Variants in PXDNL observed in about 807,000 individuals in gnomAD.
The protein encoded by PXDNL is probable oxidoreductase PXDNL.
Under a neutral mutation model 150.8 loss-of-function variants are expected in PXDNL, and 145 were observed. That is an observed-to-expected ratio of 0.96 (90% CI 0.84 to 1.10). PXDNL has a LOEUF of 1.10. Among genes scored for constraint, PXDNL ranks in the 50% least tolerant of loss-of-function variants. The pLI is 0.00. For missense variants in PXDNL, 2,087 were observed against 1,873.9 expected, an observed-to-expected ratio of 1.11 and a Z score of -2.10; for synonymous variants, 757 against 725.7, an observed-to-expected ratio of 1.04 and a Z score of -0.69.
At chr8:51,694,297 A>C (rs998842213) in intron 1 of PXDNL, among the ~76,000 whole-genome samples, 3 of 152,134 alleles carry the variant, frequency 2.0e-5, no homozygotes, top group Admixed American at 6.5e-5. Flanking sequence ...CAGGAGGCGG[A>C]GGTTGCACTG....
At chr8:51,696,837 A>ACG in intron 1 of PXDNL, among the ~76,000 whole-genome samples, 1 of 139,148 alleles carries the variant, frequency 7.2e-6, no homozygotes, top group East Asian at 2.2e-4. Flanking sequence ...ACACACACAC[A>ACG]CAGGTCCTGA....
intron 1 of PXDNL, among the ~76,000 whole-genome samples, chr8:51,750,849 G>A (rs2037039274): frequency 6.6e-6 from 1 of 152,178 alleles, no homozygotes; most frequent in African/African-American, 2.4e-5. Flanking sequence ...GCGGTTTCGG[G>A]CATCCACTGG....
chr8:51,658,648 T>C (rs978378539), intron 1 of PXDNL, among the ~76,000 whole-genome samples: 5 of 152,182 alleles, frequency 3.3e-5, no homozygotes, highest in Admixed American at 1.3e-4. Context: ...AGTATATTTC[T>C]GAAAATTAGA....
chr8:51,323,808 C>T (rs112678944), intron 21 of PXDNL, among the ~76,000 whole-genome samples: 50,761 of 151,056 alleles, frequency 0.34, 10,164 homozygotes, highest in African/African-American at 0.56. Flanking sequence ...CCCAGCTACT[C>T]GGGAGGCTGA....
intron 1 of PXDNL, among the ~76,000 whole-genome samples, chr8:51,794,304 A>G (rs1312815123): frequency 6.6e-6 from 1 of 152,150 alleles, no homozygotes; most frequent in Non-Finnish European, 1.5e-5. Flanking sequence ...AAATTCAGGA[A>G]ATCCAGAGAA....
chr8:51,386,668 T>G (rs940713505), intron 17 of PXDNL, among the ~76,000 whole-genome samples: 1 of 151,852 alleles, frequency 6.6e-6, no homozygotes, highest in Non-Finnish European at 1.5e-5. Flanking sequence ...AATACAAAAA[T>G]TAGCCAAGCA....
intron 2 of PXDNL, among the ~76,000 whole-genome samples, chr8:51,599,334 A>T (rs1479155256): frequency 2.0e-5 from 3 of 151,738 alleles, no homozygotes; most frequent in African/African-American, 7.3e-5. Flanking sequence ...CAGATTGTTA[A>T]TTTGAGATCT....
At chr8:51,431,105 C>T (rs1019100707) in intron 12 of PXDNL, among the ~76,000 whole-genome samples, 5 of 152,170 alleles carry the variant, frequency 3.3e-5, no homozygotes, top group African/African-American at 1.2e-4. Flanking sequence ...ACCTCCCCTC[C>T]TATCCTCATC....
chr8:51,380,009 T>A (rs749900009), intron 17 of PXDNL, among the ~76,000 whole-genome samples: 1 of 152,082 alleles, frequency 6.6e-6, no homozygotes, highest in South Asian at 2.1e-4. Flanking sequence ...TTGTCTTAAT[T>A]ACTAAAAGCT....
At chr8:51,667,849 C>T (rs1241842230) in intron 1 of PXDNL, among the ~76,000 whole-genome samples, 1 of 152,190 alleles carries the variant, frequency 6.6e-6, no homozygotes, top group African/African-American at 2.4e-5. Flanking sequence ...ATCACATTTG[C>T]TCATTCCATG....
chr8:51,340,959 T>C (rs1379055132), intron 20 of PXDNL, among the ~76,000 whole-genome samples: 2 of 152,250 alleles, frequency 1.3e-5, no homozygotes, highest in Admixed American at 1.3e-4. Context: ...CCTGAATGAA[T>C]GTATGAAGAT....
At chr8:51,351,185 T>C (rs930512856) in intron 19 of PXDNL, among the ~76,000 whole-genome samples, 2 of 152,234 alleles carry the variant, frequency 1.3e-5, no homozygotes, top group African/African-American at 4.8e-5. Context: ...AACACATTTT[T>C]ATGGATTGCT....
intron 1 of PXDNL, among the ~76,000 whole-genome samples, chr8:51,682,863 T>A (rs1384990862): frequency 1.3e-5 from 2 of 151,682 alleles, no homozygotes; most frequent in African/African-American, 2.4e-5. Flanking sequence ...ACCCTAGAGG[T>A]TGAAGAAGTA....
chr8:51,482,778 T>C (rs1364188912), intron 6 of PXDNL, among the ~76,000 whole-genome samples: 4 of 152,176 alleles, frequency 2.6e-5, no homozygotes, highest in East Asian at 1.9e-4. Flanking sequence ...TCTGCCATGA[T>C]TGTGAGGCCT....
At chr8:51,406,528 C>T (rs1029390616) in intron 17 of PXDNL, among the ~76,000 whole-genome samples, 1 of 152,072 alleles carries the variant, frequency 6.6e-6, no homozygotes, top group Admixed American at 6.6e-5. Context: ...CTCTTTAAAA[C>T]CCGTCCCCTA....
chr8:51,509,826 G>A (rs939599199), intron 4 of PXDNL, among the ~76,000 whole-genome samples: 8 of 150,046 alleles, frequency 5.3e-5, no homozygotes, highest in African/African-American at 9.8e-5. Context: ...GTGTGTGTGT[G>A]TATATACCGA....
intron 17 of PXDNL, among the ~76,000 whole-genome samples, chr8:51,384,956 A>C (rs1807655024): frequency 6.6e-6 from 1 of 152,134 alleles, no homozygotes; most frequent in African/African-American, 2.4e-5. Context: ...TAAGAAACAG[A>C]ATAAAATCAA....
At position 51,472,268 on chromosome 8, in the gene PXDNL, T is replaced by G. The variant is rs771470627; in HGVS notation, c.731A>C (p.Glu244Ala). 11 of 1,613,324 alleles carry G rather than the reference T, an allele frequency of 6.8e-6. No homozygotes were observed. Among genetic ancestry groups the G allele is most frequent in the Non-Finnish European group, 7.6e-6 (9 of 1,179,416 alleles). ...GTAGACGGTATTTCCTGATGGTACC[T>G]CCACATCCTGCGGCTCAAAAGTAAT... ...PRITFEPQDV[E>A]VPSGNTVYFT... Residue 244 changes from glutamate (E) to alanine (A), a missense_variant, in exon 8 of 23, where the codon GAG becomes GCG. Coordinates refer to ENST00000356297, the MANE Select transcript of PXDNL (RefSeq NM_144651.5).
intron 12 of PXDNL, among the ~76,000 whole-genome samples, chr8:51,446,544 C>A (rs926843928): frequency 1.3e-5 from 2 of 151,870 alleles, no homozygotes; most frequent in Non-Finnish European, 2.9e-5. Flanking sequence ...AATCTCATTC[C>A]ACAATATATA....
Sources: allele counts gnomAD v4.1 joint callset (sites outside exome capture counted in the v4.1 genomes callset), GRCh38; gene constraint gnomAD v4.1.1; transcripts MANE v1.5; gene names NCBI Gene and HGNC (gene_info 2026-07-23, HGNC 2026-07-21).